The following OXSR1 variants were observed in gnomAD, a reference collection of about 807,000 sequenced individuals.
OXSR1 encodes the protein serine/threonine-protein kinase OSR1.
Under a neutral mutation model 79.8 loss-of-function variants are expected in OXSR1, and 24 were observed. The ratio of observed to expected loss-of-function variants is 0.30; its 90% CI spans 0.22 to 0.42. The LOEUF (loss-of-function observed/expected upper bound fraction) is 0.42. Ranked by LOEUF, OXSR1 falls within the 10% of genes least tolerant of loss-of-function variation. The pLI, the probability that OXSR1 is intolerant of heterozygous loss-of-function variation, is 1.00. For missense variants in OXSR1, 430 were observed against 618.4 expected (o/e 0.70, Z 3.23); for synonymous variants, 226 against 209.2 (o/e 1.08, Z -0.69).
In OXSR1 at chr3:38,209,769, G is replaced by A. The variant is rs187008019; in HGVS notation, c.435-6327G>A. Among the ~76,000 whole-genome samples, 614 of 151,794 alleles carry A rather than the reference G, an allele frequency of 4.0e-3. 2 individuals carry two copies. Among genetic ancestry groups the A allele is most frequent in the African/African-American group, 0.014 (594 of 41,420 alleles). On this transcript the variant is annotated intron_variant, in intron 4 of 17. Coordinates refer to ENST00000311806, the MANE Select transcript of OXSR1 (RefSeq NM_005109.3). ...CTCCCGAGTAGCTGGGACTACAGGCGCCTGCCACTACGCCTGGCTAATTTT... is the reference window on the plus strand; with the variant it reads ...CTCCCGAGTAGCTGGGACTACAGGCACCTGCCACTACGCCTGGCTAATTTT...
At chr3:38,189,096 T>C (rs951772566) in intron 2 of OXSR1, among the ~76,000 whole-genome samples, 2 of 152,218 alleles carry the variant, frequency 1.3e-5, no homozygotes, top group Non-Finnish European at 2.9e-5. Context: ...GAAAATCATA[T>C]GTACCTATCA....
chr3:38,224,737 T>G, intron 8 of OXSR1, 33 bp downstream of exon 8: 1 of 1,418,814 alleles, frequency 7.0e-7, no homozygotes, highest in South Asian at 1.3e-5. Flanking sequence ...CTTTTCTCTC[T>G]AATAAAACAT....
At chr3:38,174,268 G>A (rs944073488) in intron 1 of OXSR1, among the ~76,000 whole-genome samples, 23 of 152,138 alleles carry the variant, frequency 1.5e-4, no homozygotes, top group Non-Finnish European at 2.6e-4. Context: ...GAGATTTAAC[G>A]TGACCTGACT....
chr3:38,195,567 T>G (rs1036810764), intron 3 of OXSR1, among the ~76,000 whole-genome samples: 2 of 152,210 alleles, frequency 1.3e-5, no homozygotes, highest in Non-Finnish European at 2.9e-5. Flanking sequence ...TTATTAAAAC[T>G]TCCTAGTAGA....
rs553566295 is a variant in OXSR1, at chr3:38,198,932, G to A, written c.434+69G>A. On this transcript the variant is annotated intron_variant, in intron 4 of 17. Coordinates refer to ENST00000311806, the MANE Select transcript of OXSR1 (RefSeq NM_005109.3). ...GCCATTCCCACTCTTTTACAGAATC[G>A]TGATCTCTGACTGTTATCATAGCTC... is the stretch of plus-strand genomic sequence containing the variant. 258 of 1,342,552 alleles carry A rather than the reference G, an allele frequency of 1.9e-4. No individual in the cohort carries two copies. The Middle Eastern group carries it at 2.0e-3, about 11-fold the overall frequency. The allele number at this position is 1,342,552 out of a possible 1,614,324, so 83.2% of individuals were successfully genotyped here.
chr3:38,213,333 C>T (rs1294212114), intron 4 of OXSR1, among the ~76,000 whole-genome samples: 1 of 152,028 alleles, frequency 6.6e-6, no homozygotes, highest in Non-Finnish European at 1.5e-5. Flanking sequence ...ATGAAAAAAA[C>T]ATTGTATACA....
At chr3:38,192,427 A>G (rs1702001344) in intron 3 of OXSR1, among the ~76,000 whole-genome samples, 1 of 152,190 alleles carries the variant, frequency 6.6e-6, no homozygotes, top group South Asian at 2.1e-4. Flanking sequence ...TGGAGTGCTC[A>G]TTACTACTTC....
intron 11 of OXSR1, among the ~76,000 whole-genome samples, chr3:38,240,874 G>A (rs773781932): frequency 6.6e-5 from 10 of 152,078 alleles, no homozygotes; most frequent in Non-Finnish European, 1.2e-4. Flanking sequence ...TAAACAAATG[G>A]GGGAAAAGGA....
rs75026981 is a variant in OXSR1 at position 38,209,275 on chromosome 3, A to G, written c.435-6821A>G. On this transcript the variant is annotated intron_variant, in intron 4 of 17. Coordinates refer to ENST00000311806, the MANE Select transcript of OXSR1 (RefSeq NM_005109.3). Reference sequence around the variant, plus strand: ...ACTCTGTCACTCAGGCTGGAGTGCAACAGCATGAACACGGCTCACTGCAGC... The same window carrying G: ...ACTCTGTCACTCAGGCTGGAGTGCAGCAGCATGAACACGGCTCACTGCAGC... Among the ~76,000 whole-genome samples, 1,142 of 151,292 alleles carry G rather than the reference A, an allele frequency of 7.5e-3. 20 individuals carry two copies. Among genetic ancestry groups the G allele is most frequent in the African/African-American group, 0.027 (1,098 of 41,242 alleles).
chr3:38,170,083 C>T (rs1245616889), intron 1 of OXSR1, among the ~76,000 whole-genome samples: 3 of 151,792 alleles, frequency 2.0e-5, no homozygotes, highest in African/African-American at 4.8e-5. Flanking sequence ...CTTACTCTGT[C>T]GCCCAGGCTG....
Position 38,198,852 on chromosome 3 carries a change from A to G in OXSR1, c.423A>G (p.Gly141=). The G allele has an allele frequency of 3.7e-6, 6 of 1,613,474 alleles. No individual in the cohort carries two copies. Among genetic ancestry groups the G allele is most frequent in the Non-Finnish European group, 5.1e-6 (6 of 1,179,548 alleles). The change falls in exon 4 of 18, where the codon GGA becomes GGG. Residue 141 remains glycine (G), a synonymous_variant. Coordinates refer to ENST00000311806, the MANE Select transcript of OXSR1 (RefSeq NM_005109.3). The part of the protein sequence containing the change: ...LEGLEYLHKN[G]QIHRDVKAGN... ...GGCTGGAATATCTGCATAAAAATGG[A>G]CAGATCCACAGGTATGTAAAAGACA...
At chr3:38,234,451 ACTT>A (rs968077257) in intron 10 of OXSR1, among the ~76,000 whole-genome samples, 55 of 152,352 alleles carry the variant, frequency 3.6e-4, no homozygotes, top group African/African-American at 1.3e-3. Flanking sequence ...CTGAATAGAA[ACTT>A]CTTGAAGATA....
intron 8 of OXSR1, among the ~76,000 whole-genome samples, chr3:38,226,247 A>C (rs1245858410): frequency 6.6e-6 from 1 of 152,074 alleles, no homozygotes; most frequent in Non-Finnish European, 1.5e-5. Flanking sequence ...TGCATTATGA[A>C]CTAGTTAGCA....
chr3:38,170,975 A>G (rs528773909), intron 1 of OXSR1, among the ~76,000 whole-genome samples: 2 of 152,082 alleles, frequency 1.3e-5, no homozygotes. Context: ...ACAGGGTCTC[A>G]TATGTTGTCC....
chr3:38,196,040 T>A (rs1325796974), intron 3 of OXSR1, among the ~76,000 whole-genome samples: 1 of 152,238 alleles, frequency 6.6e-6, no homozygotes, highest in Admixed American at 6.5e-5. Context: ...CTCAGTTCTC[T>A]TGAATGACTG....
chr3:38,244,637 C>CTGTGTGTG (rs112035003), intron 12 of OXSR1, among the ~76,000 whole-genome samples: 5,543 of 99,350 alleles, frequency 0.056, 175 homozygotes, highest in African/African-American at 0.094. Context: ...TAATATTCCT[C>CTGTGTGTG]TGTGTGTGTG....
At chr3:38,165,991 CG>C in intron 1 of OXSR1, 45 bp downstream of exon 1, 2 of 1,536,208 alleles carry the variant, frequency 1.3e-6, no homozygotes, top group Non-Finnish European at 1.8e-6. Flanking sequence ...CGCTGGGAGG[CG>C]GGGGACACGG....
intron 5 of OXSR1, among the ~76,000 whole-genome samples, chr3:38,220,561 T>G (rs1559518061): frequency 6.6e-6 from 1 of 152,158 alleles, no homozygotes; most frequent in Non-Finnish European, 1.5e-5. Context: ...TATTGGAAAT[T>G]ATCACTGGCT....
rs35773437 is a variant in OXSR1 at position 38,222,393 on chromosome 3, G to A, written c.600+706G>A. 5.6e-3 allele frequency among the ~76,000 whole-genome samples: 845 copies of A among 152,226 alleles called. 6 individuals carry two copies. Among genetic ancestry groups the A allele is most frequent in the African/African-American group, 0.019 (803 of 41,534 alleles). On this transcript the variant is annotated intron_variant, in intron 6 of 17. Coordinates refer to ENST00000311806, the MANE Select transcript of OXSR1 (RefSeq NM_005109.3). ...TTGAGAAGATAAGATTGGCTGACACGGAACCGAAATCTGCTTCTCAGGGGC... is the reference window on the plus strand; with the variant it reads ...TTGAGAAGATAAGATTGGCTGACACAGAACCGAAATCTGCTTCTCAGGGGC...
Sources: gnomAD v4.1 joint callset for allele counts (sites outside exome capture counted in the v4.1 genomes callset) on GRCh38, gnomAD v4.1.1 for gene constraint, MANE v1.5 for transcripts, NCBI Gene and HGNC (gene_info 2026-07-23, HGNC 2026-07-21) for gene names.